SPRED2: variants seen among roughly 807,000 people sequenced by gnomAD.
The protein encoded by SPRED2 is sprouty related EVH1 domain containing 2, also known as sprouty-related, EVH1 domain-containing protein 2.
Under a neutral mutation model 43.0 loss-of-function variants are expected in SPRED2, and 47 were observed. That is an observed-to-expected ratio of 1.09 (90% CI 0.87 to 1.40). The LOEUF (loss-of-function observed/expected upper bound fraction) is 1.40. SPRED2 is among the 40% of genes most tolerant of loss of function. The probability of loss-of-function intolerance (pLI) is 0.00; values close to 1 mark genes in which losing one functional copy is unlikely to be tolerated. For missense variants in SPRED2, 561 were observed against 586.4 expected (o/e 0.96, Z 0.45); for synonymous variants, 225 against 225.7 (o/e 1.00, Z 0.03).
chr2:65,362,290 G>A (rs1674835185), intron 1 of SPRED2, among the ~76,000 whole-genome samples: 1 of 151,772 alleles, frequency 6.6e-6, no homozygotes, highest in Non-Finnish European at 1.5e-5. Context: ...TTTTTTTTGA[G>A]ATGGAGTCTC....
At chr2:65,341,045 G>A (rs558748350) in intron 2 of SPRED2, among the ~76,000 whole-genome samples, 2 of 149,542 alleles carry the variant, frequency 1.3e-5, no homozygotes, top group African/African-American at 4.9e-5. Flanking sequence ...GAGAGAAAGG[G>A]GCGGGGTGGT....
At chr2:65,427,621 T>G (rs1194470927) in intron 1 of SPRED2, among the ~76,000 whole-genome samples, 1 of 152,246 alleles carries the variant, frequency 6.6e-6, no homozygotes, top group African/African-American at 2.4e-5. Context: ...CACAGAATTC[T>G]CAAGCCCAAA....
chr2:65,386,466 C>G (rs1484840355), intron 1 of SPRED2, among the ~76,000 whole-genome samples: 1 of 152,144 alleles, frequency 6.6e-6, no homozygotes, highest in African/African-American at 2.4e-5. Context: ...TCGTACCTCT[C>G]ATGGCATTGG....
chr2:65,400,481 C>T (rs548926325), intron 1 of SPRED2, among the ~76,000 whole-genome samples: 3 of 152,314 alleles, frequency 2.0e-5, no homozygotes, highest in Admixed American at 6.5e-5. Context: ...CTTCTGGGAC[C>T]GTTGGCCCTC....
chr2:65,325,980 C>CAA (rs1202722666), intron 4 of SPRED2, among the ~76,000 whole-genome samples: 5 of 127,066 alleles, frequency 3.9e-5, no homozygotes, highest in African/African-American at 1.4e-4. Flanking sequence ...AAGACTGTCT[C>CAA]AAAAAAAAAA....
intron 5 of SPRED2, among the ~76,000 whole-genome samples, chr2:65,314,465 G>A (rs537251324): frequency 6.6e-6 from 1 of 152,300 alleles, no homozygotes; most frequent in South Asian, 2.1e-4. Flanking sequence ...AGGCAGGGGA[G>A]TGTGCACATG....
Position 65,394,449 on chromosome 2 carries a change from A to G in SPRED2, c.26+37513T>C, listed in dbSNP as rs571170691. Among the ~76,000 whole-genome samples the G allele has an allele frequency of 5.3e-5, 8 of 152,356 alleles. No individual in the cohort carries two copies. The East Asian group carries it at 1.2e-3, about 22-fold the overall frequency. On this transcript the variant is annotated intron_variant, in intron 1 of 5. Coordinates refer to ENST00000356388, the MANE Select transcript of SPRED2 (RefSeq NM_181784.3). ...GGACCTTCCATTTAAAAGCAGCCTCAATGAACACAAAAACTGAGAATGAGA... is the reference window on the plus strand; with the variant it reads ...GGACCTTCCATTTAAAAGCAGCCTCGATGAACACAAAAACTGAGAATGAGA...
At chr2:65,368,058 G>A (rs1274837021) in intron 1 of SPRED2, among the ~76,000 whole-genome samples, 3 of 152,190 alleles carry the variant, frequency 2.0e-5, no homozygotes, top group Non-Finnish European at 2.9e-5. Context: ...GATGCGCTGT[G>A]AAAACATGAC....
chr2:65,392,055 T>C (rs925413403), intron 1 of SPRED2, among the ~76,000 whole-genome samples: 7 of 152,124 alleles, frequency 4.6e-5, no homozygotes, highest in Non-Finnish European at 8.8e-5. Context: ...CTCTTCATAG[T>C]TTTATATTAA....
chr2:65,408,093 G>A (rs1379603933), intron 1 of SPRED2, among the ~76,000 whole-genome samples: 1 of 152,128 alleles, frequency 6.6e-6, no homozygotes, highest in African/African-American at 2.4e-5. Flanking sequence ...CTCCTTGCCT[G>A]CTGGTTCCAT....
intron 1 of SPRED2, among the ~76,000 whole-genome samples, chr2:65,418,971 TC>T (rs1159609937): frequency 1.2e-4 from 18 of 152,158 alleles, no homozygotes; most frequent in Admixed American, 5.2e-4. Flanking sequence ...ATGAAAAGAA[TC>T]CTTAAATATT....
At chr2:65,411,471 GC>G (rs1676157856) in intron 1 of SPRED2, among the ~76,000 whole-genome samples, 2 of 152,184 alleles carry the variant, frequency 1.3e-5, no homozygotes, top group African/African-American at 4.8e-5. Flanking sequence ...ATTCCTATAT[GC>G]TGAAACGGGC....
At chr2:65,360,432 T>A (rs1187539848) in intron 1 of SPRED2, among the ~76,000 whole-genome samples, 1 of 152,258 alleles carries the variant, frequency 6.6e-6, no homozygotes, top group Non-Finnish European at 1.5e-5. Flanking sequence ...TGTGTTCGCA[T>A]ATAGCGAATT....
chr2:65,328,908 C>T (rs1261929200), intron 4 of SPRED2, among the ~76,000 whole-genome samples: 1 of 152,238 alleles, frequency 6.6e-6, no homozygotes, highest in Non-Finnish European at 1.5e-5. Context: ...ATGTTGTATT[C>T]TGTGCCCTTT....
chr2:65,317,377 G>A (rs912106928), intron 4 of SPRED2, among the ~76,000 whole-genome samples: 4 of 152,164 alleles, frequency 2.6e-5, no homozygotes, highest in Non-Finnish European at 5.9e-5. Context: ...GGCAGGCATG[G>A]TGGCAGGTGC....
intron 1 of SPRED2, among the ~76,000 whole-genome samples, chr2:65,387,033 C>T (rs184260821): frequency 6.7e-6 from 1 of 149,820 alleles, no homozygotes; most frequent in Admixed American, 6.7e-5. Flanking sequence ...AAAAACACTT[C>T]AACGTAAAGT....
chr2:65,329,393 G>A (rs886580469), intron 4 of SPRED2, among the ~76,000 whole-genome samples: 2 of 152,196 alleles, frequency 1.3e-5, no homozygotes, highest in African/African-American at 4.8e-5. Flanking sequence ...GGGAAAGGAG[G>A]TACTATTGTT....
At chr2:65,391,195 T>TACACACACACACACACAC (rs70943648) in intron 1 of SPRED2, among the ~76,000 whole-genome samples, 52 of 145,638 alleles carry the variant, frequency 3.6e-4, no homozygotes, top group African/African-American at 6.1e-4. Flanking sequence ...CCTTAATGTG[T>TACACACACACACACACAC]ACACACACAC....
chr2:65,416,940 CTT>C (rs1376958180), intron 1 of SPRED2, among the ~76,000 whole-genome samples: 1 of 152,196 alleles, frequency 6.6e-6, no homozygotes, highest in Non-Finnish European at 1.5e-5. Flanking sequence ...CTTAGAAAAA[CTT>C]AAGAGTAAAA....
Sources: gnomAD v4.1 joint callset for allele counts (sites outside exome capture counted in the v4.1 genomes callset) on GRCh38, gnomAD v4.1.1 for gene constraint, MANE v1.5 for transcripts, NCBI Gene and HGNC (gene_info 2026-07-23, HGNC 2026-07-21) for gene names.